HTT: variants seen among roughly 807,000 people sequenced by gnomAD.
HTT encodes huntington disease protein.
In HTT, 104 loss-of-function variants were observed where a neutral mutation model predicts 362.3. The observed-to-expected ratio is 0.29, with a 90% CI of 0.24 to 0.34. The LOEUF (loss-of-function observed/expected upper bound fraction) is 0.34, where lower values mean the gene tolerates loss of function less well. HTT is among the 10% of genes least tolerant of loss of function. HTT has a pLI of 1.00. For missense variants in HTT, 3,301 were observed against 3,928.6 expected, an observed-to-expected ratio of 0.84 and a Z score of 4.27; for synonymous variants, 1,577 against 1,548.7, an observed-to-expected ratio of 1.02 and a Z score of -0.43.
chr4:3,234,435 G>C (rs1219073828), intron 61 of HTT, among the ~76,000 whole-genome samples: 1 of 152,380 alleles, frequency 6.6e-6, no homozygotes, highest in Non-Finnish European at 1.5e-5. Flanking sequence ...GTCACACGGG[G>C]CACAGGCCTG....
At position 3,187,809 on chromosome 4, in the gene HTT, T is replaced by C. The variant is rs750141650; in HGVS notation, c.5148T>C (p.Asp1716=). The change falls in exon 39 of 67, where the codon GAT becomes GAC. Residue 1716 remains aspartate (D), a synonymous_variant. Transcript: ENST00000355072. ...ISCTVINRLR[D]GDSTSTLEEH... is the part of the protein sequence containing the mutation. ...GTACAGTAATTAATAGGTTAAGAGA[T>C]GGGGACAGTACTTCAACGCTAGAAG... is the stretch of plus-strand genomic sequence containing the variant. The C allele has an allele frequency of 2.5e-6, 4 of 1,613,456 alleles. No individual in the cohort carries two copies. The South Asian group carries it at 3.3e-5, about 13-fold the overall frequency.
At chr4:3,107,136 T>A in intron 5 of HTT, 149 bp from the exon 6 acceptor site, 1 of 678,290 alleles carries the variant, frequency 1.5e-6, no homozygotes, top group Non-Finnish European at 2.5e-6. Flanking sequence ...CATCCACATT[T>A]CATCCTCCTG....
At chr4:3,076,651 A>G (rs1712569523) in intron 1 of HTT, among the ~76,000 whole-genome samples, 1 of 152,218 alleles carries the variant, frequency 6.6e-6, no homozygotes. Context: ...CATTGCATGT[A>G]TCTTGTGTAA....
At chr4:3,176,119 A>T (rs756844039) in intron 33 of HTT, among the ~76,000 whole-genome samples, 13 of 150,088 alleles carry the variant, frequency 8.7e-5, no homozygotes, top group Non-Finnish European at 1.8e-4. Flanking sequence ...GCTCCGCCTC[A>T]GAGGTTCACG....
rs767464594 is a variant in HTT at position 3,217,964 on chromosome 4, C to G, written c.7242+12C>G. Reference sequence around the variant, plus strand: ...GTGTGCCCCCACTGGTGAGTCTGCTCGTTCCTTGCAGAAGACCAAGTACGG... The same window carrying G: ...GTGTGCCCCCACTGGTGAGTCTGCTGGTTCCTTGCAGAAGACCAAGTACGG... On this transcript the variant is annotated intron_variant, in intron 52 of 66. Transcript: ENST00000355072. 1.1e-5 allele frequency: 18 copies of G among 1,593,912 alleles called. No individual in the cohort carries two copies. Among genetic ancestry groups the G allele is most frequent in the East Asian group, 2.2e-5 (1 of 44,630 alleles).
chr4:3,237,827 G>A (rs1166774578), intron 64 of HTT, among the ~76,000 whole-genome samples: 1 of 152,290 alleles, frequency 6.6e-6, no homozygotes, highest in East Asian at 1.9e-4. Context: ...ACTGCTCAGG[G>A]GGCGTGTTTC....
At position 3,240,269 on chromosome 4, in the gene HTT, G is replaced by A; in HGVS notation, c.*210G>A. 1 of 597,180 alleles carries A rather than the reference G, an allele frequency of 1.7e-6. No individual in the cohort carries two copies. The highest frequency in any genetic ancestry group is 2.8e-5 in the East Asian group (1 of 35,876). The allele number at this position is 597,180 out of a possible 1,614,324, so 37.0% of individuals were successfully genotyped here. Reference sequence around the variant, plus strand: ...CAGGGAGTGTCTGCAGTCCTGGTGGGGCTGAGCCTGAGGCCTTCCAGAAAG... The same window carrying A: ...CAGGGAGTGTCTGCAGTCCTGGTGGAGCTGAGCCTGAGGCCTTCCAGAAAG... On this transcript the variant is annotated 3_prime_UTR_variant, in exon 67 of 67. Transcript: ENST00000355072.
chr4:3,096,474 A>G (rs758648878), intron 2 of HTT, among the ~76,000 whole-genome samples: 6 of 152,192 alleles, frequency 3.9e-5, no homozygotes, highest in Non-Finnish European at 7.3e-5. Flanking sequence ...TGGGCCATAA[A>G]ACAAGTCTCT....
In HTT at chr4:3,154,388, G is replaced by C; in HGVS notation, c.3594G>C (p.Leu1198Phe). 1 of 1,614,062 alleles carries C rather than the reference G, an allele frequency of 6.2e-7. No homozygotes were observed. Among genetic ancestry groups the C allele is most frequent in the Non-Finnish European group, 8.5e-7 (1 of 1,179,972 alleles). ...CAGGAGAACAAGCATCTGTACCGTT[G>C]AGTCCCAAGAAAGGCAGTGAGGCCA... ...KEPGEQASVPLSPKKGSEASA... is the reference protein window; with the variant it reads ...KEPGEQASVPFSPKKGSEASA... The change falls in exon 27 of 67, where the codon TTG becomes TTC. Residue 1198 changes from leucine (L) to phenylalanine (F), a missense_variant. Leu to Phe is a conservative substitution (Grantham distance 22, BLOSUM62 0). Coordinates refer to ENST00000355072, the MANE Select transcript of HTT (RefSeq NM_001388492.1).
chr4:3,229,144 G>A, intron 59 of HTT, 135 bp downstream of exon 59: 1 of 781,188 alleles, frequency 1.3e-6, no homozygotes, highest in South Asian at 1.8e-5. Context: ...CACACACACA[G>A]GCCACACGCA....
intron 1 of HTT, among the ~76,000 whole-genome samples, chr4:3,080,532 A>G (rs1712838078): frequency 1.4e-5 from 2 of 145,792 alleles, no homozygotes; most frequent in Non-Finnish European, 3.0e-5. Flanking sequence ...ATTTGTAAAA[A>G]CTCTCCCTTC....
intron 41 of HTT, among the ~76,000 whole-genome samples, chr4:3,202,261 G>A (rs1719617788): frequency 6.6e-6 from 1 of 152,174 alleles, no homozygotes; most frequent in African/African-American, 2.4e-5. Flanking sequence ...GTACCGGGCG[G>A]TGTATGGCCT....
chr4:3,131,207 G>A (rs1223152752), intron 14 of HTT, 79 bp from the exon 15 acceptor site: 4 of 1,108,382 alleles, frequency 3.6e-6, no homozygotes, highest in Non-Finnish European at 5.5e-6. Flanking sequence ...GTGCTGCTCT[G>A]GAACTATCTG....
At chr4:3,177,867 C>T (rs1311181089) in intron 34 of HTT, among the ~76,000 whole-genome samples, 1 of 152,192 alleles carries the variant, frequency 6.6e-6, no homozygotes, top group African/African-American at 2.4e-5. Context: ...GCTTAATAAA[C>T]ATTGTAATTA....
intron 36 of HTT, among the ~76,000 whole-genome samples, chr4:3,181,567 A>G (rs1718527185): frequency 6.6e-6 from 1 of 152,056 alleles, no homozygotes; most frequent in Admixed American, 6.6e-5. Context: ...TATTTTGTCA[A>G]TTCTTTTTAG....
intron 14 of HTT, among the ~76,000 whole-genome samples, chr4:3,130,705 T>C (rs1715768611): frequency 6.6e-6 from 1 of 152,246 alleles, no homozygotes; most frequent in Admixed American, 6.5e-5. Flanking sequence ...CATTTGATGG[T>C]TGCGTATGGC....
At chr4:3,205,480 A>G (rs1248461960) in intron 42 of HTT, among the ~76,000 whole-genome samples, 1 of 152,108 alleles carries the variant, frequency 6.6e-6, no homozygotes, top group Non-Finnish European at 1.5e-5. Context: ...ATTTTGTTCT[A>G]CTTTTAAGGA....
intron 40 of HTT, among the ~76,000 whole-genome samples, chr4:3,198,959 T>C (rs1397802353): frequency 6.6e-6 from 1 of 152,230 alleles, no homozygotes; most frequent in East Asian, 1.9e-4. Context: ...CTGGCCTCCT[T>C]CAGCATTTCT....
intron 2 of HTT, among the ~76,000 whole-genome samples, chr4:3,090,022 C>A (rs1369489446): frequency 6.6e-6 from 1 of 152,126 alleles, no homozygotes. Context: ...GAGTATATAG[C>A]TGAAGGTGAT....
Sources: allele counts gnomAD v4.1 joint callset (sites outside exome capture counted in the v4.1 genomes callset), GRCh38; gene constraint gnomAD v4.1.1; transcripts MANE v1.5; gene names NCBI Gene and HGNC (gene_info 2026-07-23, HGNC 2026-07-21).